The following NLGN1 variants were observed in gnomAD, a reference collection of about 807,000 sequenced individuals.
The protein encoded by NLGN1 is neuroligin 1, also known as neuroligin-1.
In NLGN1, 12 loss-of-function variants were observed where a neutral mutation model predicts 65.5. That is an observed-to-expected ratio of 0.18 (90% CI 0.12 to 0.30). The LOEUF (loss-of-function observed/expected upper bound fraction) is 0.30, where lower values mean the gene tolerates loss of function less well. Among genes scored for constraint, NLGN1 ranks in the 10% least tolerant of loss-of-function variants. The probability of loss-of-function intolerance (pLI) is 1.00; values close to 1 mark genes in which losing one functional copy is unlikely to be tolerated. For synonymous variants in NLGN1, 350 were observed against 359.5 expected (o/e 0.97, Z 0.30); for missense variants, 750 against 1,007.1 (o/e 0.74, Z 3.46).
intron 4 of NLGN1, among the ~76,000 whole-genome samples, chr3:174,129,473 T>A (rs974634770): frequency 6.6e-6 from 1 of 151,926 alleles, no homozygotes; most frequent in African/African-American, 2.4e-5. Context: ...TCACAATCTA[T>A]GTTTATTTTT....
chr3:174,179,646 A>G (rs1371315142), intron 4 of NLGN1, among the ~76,000 whole-genome samples: 1 of 152,130 alleles, frequency 6.6e-6, no homozygotes, highest in Non-Finnish European at 1.5e-5. Context: ...GAAGGAGTAC[A>G]ATATGTAGTC....
chr3:174,134,707 T>C (rs946925433), intron 4 of NLGN1, among the ~76,000 whole-genome samples: 1 of 152,156 alleles, frequency 6.6e-6, no homozygotes, highest in African/African-American at 2.4e-5. Flanking sequence ...CTGGATAGTG[T>C]GGACCCTGGC....
chr3:173,792,071 G>A (rs1218011325), intron 3 of NLGN1, among the ~76,000 whole-genome samples: 2 of 152,098 alleles, frequency 1.3e-5, no homozygotes, highest in Admixed American at 6.6e-5. Context: ...CAGCCTGCAT[G>A]GTAAAAGAGG....
intron 2 of NLGN1, among the ~76,000 whole-genome samples, chr3:173,540,876 A>G (rs541965261): frequency 6.6e-6 from 1 of 152,296 alleles, no homozygotes; most frequent in Admixed American, 6.5e-5. Context: ...TATTCCTGCT[A>G]TATCACTGAA....
intron 3 of NLGN1, among the ~76,000 whole-genome samples, chr3:173,733,561 G>A (rs1473614174): frequency 6.6e-6 from 1 of 152,126 alleles, no homozygotes; most frequent in Non-Finnish European, 1.5e-5. Flanking sequence ...GAGAGCTTCA[G>A]GCATATTGCC....
intron 2 of NLGN1, among the ~76,000 whole-genome samples, chr3:173,582,462 GT>G (rs1201858895): frequency 6.6e-6 from 1 of 151,910 alleles, no homozygotes; most frequent in East Asian, 1.9e-4. Context: ...TCAATATTAA[GT>G]TTTGCTGGAC....
chr3:174,282,721 A>G (rs1313728308), exon 7 of NLGN1: 1 of 152,220 alleles, frequency 6.6e-6, no homozygotes, highest in East Asian at 1.9e-4. Context: ...TATATTGAAA[A>G]ACAAATGAGA....
intron 3 of NLGN1, chr3:173,685,762 G>A (rs904671302): frequency 4.1e-6 from 4 of 985,270 alleles, no homozygotes; most frequent in Non-Finnish European, 1.2e-6. Context: ...AGCATGTGCT[G>A]GGGCTTTTTG....
intron 4 of NLGN1, among the ~76,000 whole-genome samples, chr3:174,192,492 A>G (rs940386891): frequency 6.6e-6 from 1 of 152,228 alleles, no homozygotes. Flanking sequence ...CAACAAGTTA[A>G]CAGGGCAAAT....
chr3:173,539,822 TA>T (rs1738475688), intron 2 of NLGN1, among the ~76,000 whole-genome samples: 3 of 131,382 alleles, frequency 2.3e-5, no homozygotes, highest in African/African-American at 8.5e-5. Flanking sequence ...ATACATATGT[TA>T]TATATGTATA....
At position 173,807,586 on chromosome 3, in the gene NLGN1, A is replaced by G; in HGVS notation, c.494-94A>G. ...GCAGTTTAAGAACTATATTGAAATT[A>G]TGCCCTCTTTTCACTAAGATGGAAA... On this transcript the variant is annotated intron_variant, in intron 3 of 6. Transcript: ENST00000457714. The G allele has an allele frequency of 2.2e-6, 3 of 1,377,386 alleles. No individual in the cohort carries two copies. In the Admixed American group the frequency reaches 6.4e-5, roughly 29 times the overall value. The allele number at this position is 1,377,386 out of a possible 1,614,324, so 85.3% of individuals were successfully genotyped here.
intron 4 of NLGN1, among the ~76,000 whole-genome samples, chr3:173,977,883 C>A (rs553451332): frequency 6.6e-6 from 1 of 151,822 alleles, no homozygotes; most frequent in Non-Finnish European, 1.5e-5. Context: ...GAGATCACTT[C>A]GGGAGAAAAC....
chr3:173,914,083 C>G (rs1006091306), intron 4 of NLGN1, among the ~76,000 whole-genome samples: 5 of 152,140 alleles, frequency 3.3e-5, no homozygotes, highest in African/African-American at 9.7e-5. Context: ...TCTGTGCTTC[C>G]TTACAATACA....
intron 4 of NLGN1, among the ~76,000 whole-genome samples, chr3:173,835,574 A>AACACACACAC (rs1456512425): frequency 1.4e-4 from 7 of 49,482 alleles, no homozygotes; most frequent in Non-Finnish European, 2.9e-4. Flanking sequence ...AATATGTTCA[A>AACACACACAC]ACACATACAC....
At chr3:174,139,925 A>G (rs1269436673) in intron 4 of NLGN1, among the ~76,000 whole-genome samples, 2 of 152,134 alleles carry the variant, frequency 1.3e-5, no homozygotes, top group African/African-American at 2.4e-5. Context: ...TCTTTTGTTC[A>G]TTTTAAAATC....
intron 2 of NLGN1, among the ~76,000 whole-genome samples, chr3:173,535,631 A>G (rs776113635): frequency 7.2e-5 from 11 of 152,212 alleles, no homozygotes; most frequent in Non-Finnish European, 1.5e-4. Context: ...GAGAGGATCA[A>G]ACTAGTATAA....
chr3:173,866,329 G>A (rs1277585469), intron 4 of NLGN1, among the ~76,000 whole-genome samples: 2 of 152,094 alleles, frequency 1.3e-5, no homozygotes, highest in Admixed American at 1.3e-4. Flanking sequence ...TCCAGCCTGG[G>A]CAACAAGAGT....
At chr3:173,853,616 T>C (rs1161775172) in intron 4 of NLGN1, among the ~76,000 whole-genome samples, 1 of 152,124 alleles carries the variant, frequency 6.6e-6, no homozygotes, top group Non-Finnish European at 1.5e-5. Context: ...ATTAAACTGG[T>C]ATACTATTTC....
In NLGN1 at chr3:173,747,783, T is replaced by TTTCTTC. The variant is rs1553832026; in HGVS notation, c.494-59888_494-59883dup. ...GTTAGAGTTTTAAAACAAAATTTTC[T>TTTCTTC]TTCTTCTTCTTCTTGTTCTTTTTTT... On this transcript the variant is annotated intron_variant, in intron 3 of 6. Transcript: ENST00000457714. Among the ~76,000 whole-genome samples, 31 of 142,230 alleles carry TTTCTTC rather than the reference T, an allele frequency of 2.2e-4. 1 individual carries two copies. The highest frequency in any genetic ancestry group is 6.3e-4 in the East Asian group (3 of 4,778). The allele number at this position is 142,230 out of a possible 152,430, so 93.3% of individuals were successfully genotyped here.
Sources: gnomAD v4.1 joint callset for allele counts (sites outside exome capture counted in the v4.1 genomes callset) on GRCh38, gnomAD v4.1.1 for gene constraint, MANE v1.5 for transcripts, NCBI Gene and HGNC (gene_info 2026-07-23, HGNC 2026-07-21) for gene names.